FABP12: variants seen among roughly 807,000 people sequenced by gnomAD.
FABP12 encodes fatty acid-binding protein 12.
Under a neutral mutation model 13.7 loss-of-function variants are expected in FABP12, and 19 were observed. The observed-to-expected ratio is 1.39, with a 90% CI of 0.97 to 2.04. The LOEUF is 2.04. Among genes scored for constraint, FABP12 ranks in the 30% most tolerant of loss-of-function variants. The probability of loss-of-function intolerance (pLI) is 0.00; values close to 1 mark genes in which losing one functional copy is unlikely to be tolerated. For missense variants in FABP12, 182 were observed against 164.2 expected, an observed-to-expected ratio of 1.11 and a Z score of -0.59; for synonymous variants, 61 against 57.0, an observed-to-expected ratio of 1.07 and a Z score of -0.32.
In FABP12 at chr8:81,529,491, AG is replaced by A. The variant is rs1809003411; in HGVS notation, c.192del (p.Phe65LeufsTer21). Reference sequence around the variant, plus strand: ...TCCTCAAACTCTTCTCCCAGCTTAAAGGAGATCTCATTATTTTTAAAGATGC... The same window carrying A: ...TCCTCAAACTCTTCTCCCAGCTTAAAGAGATCTCATTATTTTTAAAGATGC... On this transcript the variant is annotated frameshift_variant, in exon 3 of 5. Coordinates refer to ENST00000360464, the Ensembl canonical transcript of FABP12. LOFTEE classifies it high-confidence loss of function. 6.2e-7 allele frequency: 1 copy of A among 1,613,840 alleles called. No homozygotes were observed. The highest frequency in any genetic ancestry group is 8.5e-7 in the Non-Finnish European group (1 of 1,179,850).
At chr8:81,554,367 G>A (rs1166210029) in intron 1 of FABP12, among the ~76,000 whole-genome samples, 1 of 152,166 alleles carries the variant, frequency 6.6e-6, no homozygotes, top group African/African-American at 2.4e-5. Context: ...ACTGTGAGGT[G>A]CAGAAACCAA....
At chr8:81,527,083 A>C in exon 4 of FABP12, 1 of 1,612,122 alleles carries the variant, frequency 6.2e-7, no homozygotes, top group Non-Finnish European at 8.5e-7. Context: ...CCCAGTCCTG[A>C]ACTTGAATCA....
At chr8:81,535,121 T>C (rs1023903241), upstream of FABP12, among the ~76,000 whole-genome samples, 45 of 152,186 alleles carry the variant, frequency 3.0e-4, no homozygotes, top group Non-Finnish European at 2.2e-4. Flanking sequence ...TAGCCCATCA[T>C]TGGGGTTATT....
At chr8:81,552,301 GGAA>G (rs1392052671) in intron 1 of FABP12, among the ~76,000 whole-genome samples, 2 of 152,168 alleles carry the variant, frequency 1.3e-5, no homozygotes, top group Non-Finnish European at 1.5e-5. Context: ...TAGGGCAGTT[GGAA>G]GAAGTTCAGT....
rs71268012 is a variant in FABP12 at position 81,578,823 on chromosome 8, G to GTTTCTTTTTTTTT, written c.-185+11229_-185+11230insAAAAAAAAAGAAA. Among the ~76,000 whole-genome samples the GTTTCTTTTTTTTT allele has an allele frequency of 8.2e-3, 862 of 105,628 alleles. 132 individuals are homozygous for GTTTCTTTTTTTTT. Among genetic ancestry groups the GTTTCTTTTTTTTT allele is most frequent in the African/African-American group, 0.03 (736 of 24,592 alleles). 69.3% of individuals were successfully genotyped at this position (105,628 alleles called of 152,430 possible). ...TACAGAATCTGACACATTTGTTCAAGTTTTTTTTTTTTTTTTTTTGAGAAG... is the reference window on the plus strand; with the variant it reads ...TACAGAATCTGACACATTTGTTCAAGTTTCTTTTTTTTTTTTTTTTTTTTTTTTTTTTGAGAAG... On this transcript the variant is annotated intron_variant, in intron 1 of 5. Coordinates refer to the FABP12 transcript ENST00000692030.
chr8:81,558,642 A>G (rs1206002001), intron 1 of FABP12, among the ~76,000 whole-genome samples: 1 of 152,144 alleles, frequency 6.6e-6, no homozygotes, highest in African/African-American at 2.4e-5. Flanking sequence ...CTGTAATTCC[A>G]GCACTTTGGG....
chr8:81,535,424 T>A (rs1032417750), upstream of FABP12, among the ~76,000 whole-genome samples: 2 of 152,140 alleles, frequency 1.3e-5, no homozygotes, highest in African/African-American at 4.8e-5. Flanking sequence ...ATAATTCTTG[T>A]TTGAATTAGA....
intron 1 of FABP12, among the ~76,000 whole-genome samples, chr8:81,564,860 G>T (rs1462717868): frequency 1.3e-5 from 2 of 151,864 alleles, no homozygotes; most frequent in African/African-American, 4.8e-5. Flanking sequence ...AATGTAAATG[G>T]ACTAAGCTCT....
chr8:81,549,737 G>A (rs1809495999), intron 1 of FABP12, among the ~76,000 whole-genome samples: 1 of 152,142 alleles, frequency 6.6e-6, no homozygotes, highest in Non-Finnish European at 1.5e-5. Context: ...CATTTTGTGA[G>A]ATGTTAAATC....
At chr8:81,540,705 C>G (rs1032509050) in intron 1 of FABP12, among the ~76,000 whole-genome samples, 2 of 152,080 alleles carry the variant, frequency 1.3e-5, no homozygotes, top group Admixed American at 6.6e-5. Context: ...TGGAGAAATC[C>G]AAATAAAGTC....
At chr8:81,531,525 G>A (rs1037496336) in intron 1 of FABP12, 135 bp from the exon 2 acceptor site, 2 of 524,792 alleles carry the variant, frequency 3.8e-6, no homozygotes, top group Non-Finnish European at 6.7e-6. Flanking sequence ...AATACATCAG[G>A]ATGAAAATGG....
At chr8:81,554,571 T>C (rs141275305) in intron 1 of FABP12, among the ~76,000 whole-genome samples, 2 of 152,306 alleles carry the variant, frequency 1.3e-5, no homozygotes, top group East Asian at 3.9e-4. Flanking sequence ...CACATTCTAC[T>C]TGTGTAGGAG....
chr8:81,534,314 G>A (rs1809169040), upstream of FABP12, among the ~76,000 whole-genome samples: 1 of 152,060 alleles, frequency 6.6e-6, no homozygotes, highest in African/African-American at 2.4e-5. Flanking sequence ...CCAGTATATG[G>A]GCTGCAGCAC....
exon 2 of FABP12, chr8:81,531,363 G>A: frequency 7.3e-7 from 1 of 1,367,610 alleles, no homozygotes; most frequent in South Asian, 1.3e-5. Flanking sequence ...TCATGTGTAT[G>A]CTGGTTTTCC....
upstream of FABP12, among the ~76,000 whole-genome samples, chr8:81,538,360 C>T (rs537107478): frequency 2.0e-5 from 3 of 152,294 alleles, no homozygotes; most frequent in South Asian, 2.1e-4. Context: ...ACAAAAGATA[C>T]GTTCAAGCCT....
At chr8:81,572,918 CTG>C (rs879761579) in intron 1 of FABP12, among the ~76,000 whole-genome samples, 4,289 of 152,102 alleles carry the variant, frequency 0.028, 97 homozygotes, top group Middle Eastern at 0.082. Context: ...TTGCTGCTAA[CTG>C]TTCTTTTGCC....
chr8:81,560,164 A>G (rs1486369935), intron 1 of FABP12, among the ~76,000 whole-genome samples: 1 of 152,204 alleles, frequency 6.6e-6, no homozygotes, highest in East Asian at 1.9e-4. Context: ...AATGAGACGA[A>G]GACTTACAAT....
chr8:81,588,759 C>A (rs1163180673), intron 1 of FABP12, among the ~76,000 whole-genome samples: 1 of 152,100 alleles, frequency 6.6e-6, no homozygotes, highest in East Asian at 1.9e-4. Flanking sequence ...AATGTTTCCC[C>A]ACTCAGTACA....
At chr8:81,585,705 C>T (rs530767838) in intron 1 of FABP12, among the ~76,000 whole-genome samples, 2 of 152,274 alleles carry the variant, frequency 1.3e-5, no homozygotes, top group Admixed American at 6.5e-5. Flanking sequence ...AATCCATGAG[C>T]ATGGAATAAC....
Sources: allele counts gnomAD v4.1 joint callset (sites outside exome capture counted in the v4.1 genomes callset), GRCh38; gene constraint gnomAD v4.1.1; transcripts MANE v1.5; gene names NCBI Gene and HGNC (gene_info 2026-07-23, HGNC 2026-07-21).